DISC1: variants seen among roughly 807,000 people sequenced by gnomAD.
The protein encoded by DISC1 is DISC1 scaffold protein.
In DISC1, 57 loss-of-function variants were observed where a neutral mutation model predicts 84.5. The observed-to-expected ratio is 0.67, with a 90% confidence interval of 0.55 to 0.84. DISC1 has a LOEUF of 0.84. Among genes scored for constraint, DISC1 ranks in the 40% least tolerant of loss-of-function variants. The pLI, the probability that DISC1 is intolerant of heterozygous loss-of-function variation, is 0.00. For missense variants in DISC1, 1,000 were observed against 1,057.8 expected, an observed-to-expected ratio of 0.95 and a Z score of 0.76; for synonymous variants, 411 against 415.2, an observed-to-expected ratio of 0.99 and a Z score of 0.12.
chr1:232,018,952 T>C (rs1328230722), intron 11 of DISC1, among the ~76,000 whole-genome samples: 1 of 152,250 alleles, frequency 6.6e-6, no homozygotes, highest in Admixed American at 6.5e-5. Context: ...TGGCTCTTTA[T>C]ACTTGGGTGA....
intron 9 of DISC1, among the ~76,000 whole-genome samples, chr1:231,899,836 T>A (rs1253380520): frequency 6.6e-6 from 1 of 152,174 alleles, no homozygotes; most frequent in Non-Finnish European, 1.5e-5. Context: ...TCCACAGTGA[T>A]CAAATACAGA....
intron 8 of DISC1, 147 bp downstream of exon 8, chr1:231,800,357 T>G: frequency 1.4e-6 from 1 of 724,668 alleles, no homozygotes; most frequent in South Asian, 1.5e-5. Flanking sequence ...TTCACTAATA[T>G]GCACATAATA....
intron 9 of DISC1, among the ~76,000 whole-genome samples, chr1:231,939,471 G>A (rs1368629740): frequency 6.6e-6 from 1 of 152,104 alleles, no homozygotes; most frequent in African/African-American, 2.4e-5. Context: ...CCTTTGTAGG[G>A]CCCTTGAATG....
intron 10 of DISC1, among the ~76,000 whole-genome samples, chr1:231,995,963 T>C (rs1204301171): frequency 6.6e-6 from 1 of 152,140 alleles, no homozygotes; most frequent in South Asian, 2.1e-4. Flanking sequence ...ACCAACAGTG[T>C]AAAAGTGTTC....
At chr1:231,869,315 T>G (rs2085290732) in intron 9 of DISC1, among the ~76,000 whole-genome samples, 1 of 152,118 alleles carries the variant, frequency 6.6e-6, no homozygotes, top group Non-Finnish European at 1.5e-5. Flanking sequence ...GTCTTGAGTG[T>G]GAAGTGCAAA....
chr1:231,694,584 G>A lies in DISC1; in HGVS notation c.826G>A (p.Asp276Asn). Residue 276 changes from aspartate (D) to asparagine (N), a missense_variant, in exon 2 of 13, where the codon GAC (aspartate) becomes AAC (asparagine). By Grantham distance (23) the Asp-to-Asn change is conservative. Transcript: ENST00000439617. ...TCTCTTGGCTACACGGGTCTCTGCA[G>A]ACTTGGCCCAGGCCGCAAGGAACAG... ...FSLLATRVSA[D>N]LAQAARNSSR... 6.2e-7 allele frequency: 1 copy of A among 1,614,250 alleles called. No individual in the cohort carries two copies. The highest frequency in any genetic ancestry group is 1.1e-5 in the South Asian group (1 of 91,088).
chr1:231,840,771 G>C (rs372675500), intron 9 of DISC1, among the ~76,000 whole-genome samples: 1 of 151,870 alleles, frequency 6.6e-6, no homozygotes, highest in East Asian at 1.9e-4. Context: ...GCAGTGGCGC[G>C]ATCTCAGCTC....
intron 3 of DISC1, among the ~76,000 whole-genome samples, chr1:231,728,395 C>G (rs1303896532): frequency 2.0e-5 from 3 of 152,188 alleles, no homozygotes; most frequent in Non-Finnish European, 2.9e-5. Flanking sequence ...GCACAATCGC[C>G]CACTGTCTTC....
chr1:231,799,336 G>A (rs1226065984), intron 7 of DISC1, among the ~76,000 whole-genome samples: 1 of 152,004 alleles, frequency 6.6e-6, no homozygotes, highest in East Asian at 1.9e-4. Context: ...ATTAAATTTA[G>A]CTTGCAGCTT....
At chr1:231,747,439 G>A (rs2074114888) in intron 3 of DISC1, among the ~76,000 whole-genome samples, 1 of 152,164 alleles carries the variant, frequency 6.6e-6, no homozygotes, top group African/African-American at 2.4e-5. Context: ...CATATAAGGT[G>A]AGAGACAGGG....
At chr1:231,809,812 T>G (rs946100243) in intron 8 of DISC1, among the ~76,000 whole-genome samples, 1 of 152,174 alleles carries the variant, frequency 6.6e-6, no homozygotes, top group East Asian at 1.9e-4. Context: ...GAATGAATAT[T>G]TGGCACCCAA....
intron 9 of DISC1, among the ~76,000 whole-genome samples, chr1:231,884,562 G>A (rs1036093533): frequency 6.8e-6 from 1 of 146,168 alleles, no homozygotes; most frequent in East Asian, 1.9e-4. Context: ...ATGAACATAC[G>A]CGTGCATGTG....
intron 9 of DISC1, among the ~76,000 whole-genome samples, chr1:231,936,666 T>C (rs4658964): frequency 6.6e-6 from 1 of 151,950 alleles, no homozygotes; most frequent in Admixed American, 6.6e-5. Context: ...TGTTGTCACA[T>C]GGTGACAGCT....
chr1:231,680,845 A>G, intron 1 of DISC1, among the ~76,000 whole-genome samples: 1 of 152,256 alleles, frequency 6.6e-6, no homozygotes, highest in East Asian at 1.9e-4. Flanking sequence ...AAATAAGCCC[A>G]TGCATAAAAT....
intron 1 of DISC1, among the ~76,000 whole-genome samples, chr1:231,640,972 G>A (rs1342584269): frequency 1.3e-5 from 2 of 152,196 alleles, no homozygotes; most frequent in African/African-American, 4.8e-5. Flanking sequence ...TCCAGCCTTA[G>A]GACAAATGAT....
At chr1:232,002,085 TG>T (rs1666756640) in intron 10 of DISC1, among the ~76,000 whole-genome samples, 1 of 152,012 alleles carries the variant, frequency 6.6e-6, no homozygotes. Context: ...TACACCTCAC[TG>T]AAGAGGCTAT....
intron 1 of DISC1, among the ~76,000 whole-genome samples, chr1:231,661,398 C>T (rs2061552992): frequency 6.6e-6 from 1 of 152,170 alleles, no homozygotes; most frequent in Non-Finnish European, 1.5e-5. Context: ...GAGGTTTGGT[C>T]TCTTCATAGA....
intron 11 of DISC1, among the ~76,000 whole-genome samples, chr1:232,024,728 G>T (rs1454223595): frequency 1.3e-5 from 2 of 151,870 alleles, no homozygotes; most frequent in African/African-American, 4.8e-5. Context: ...GAGTGGCTGG[G>T]ATTACAGGCG....
chr1:231,719,790 C>T (rs578175938), intron 3 of DISC1, among the ~76,000 whole-genome samples: 5 of 152,162 alleles, frequency 3.3e-5, no homozygotes, highest in East Asian at 3.9e-4. Context: ...ATAACCTTAG[C>T]GCACCTAATT....
Sources: allele counts gnomAD v4.1 joint callset (sites outside exome capture counted in the v4.1 genomes callset), GRCh38; gene constraint gnomAD v4.1.1; transcripts MANE v1.5; gene names NCBI Gene and HGNC (gene_info 2026-07-23, HGNC 2026-07-21).